The following COMMD1 variants were observed in gnomAD, a reference collection of about 807,000 sequenced individuals.
COMMD1 encodes the protein copper metabolism domain containing 1, also known as COMM domain-containing protein 1.
Under a neutral mutation model 17.2 loss-of-function variants are expected in COMMD1, and 10 were observed. The ratio of observed to expected loss-of-function variants is 0.58; its 90% CI spans 0.36 to 0.99. The LOEUF is 0.99. COMMD1 is among the 50% of genes least tolerant of loss of function. COMMD1 has a pLI of 0.01. For missense variants in COMMD1, 270 were observed against 231.8 expected (o/e 1.17, Z -1.07); for synonymous variants, 97 against 91.6 (o/e 1.06, Z -0.34).
At chr2:62,073,612 A>G (rs1671259507) in intron 2 of COMMD1, among the ~76,000 whole-genome samples, 2 of 152,138 alleles carry the variant, frequency 1.3e-5, no homozygotes, top group African/African-American at 4.8e-5. Context: ...CCAAACTGTA[A>G]CCTGACTGCC....
intron 1 of COMMD1, among the ~76,000 whole-genome samples, chr2:61,934,349 T>C (rs754461884): frequency 3.3e-5 from 5 of 152,156 alleles, no homozygotes; most frequent in Non-Finnish European, 5.9e-5. Context: ...GGAAAACTCA[T>C]TTAGAGCCTT....
intron 2 of COMMD1, among the ~76,000 whole-genome samples, chr2:62,045,674 T>C (rs1670362195): frequency 1.3e-5 from 2 of 151,158 alleles, no homozygotes; most frequent in Non-Finnish European, 2.9e-5. Context: ...AGTGCTGGCA[T>C]TGCAGGTGTG....
chr2:62,025,972 G>A (rs1446826358), intron 2 of COMMD1, among the ~76,000 whole-genome samples: 4 of 152,148 alleles, frequency 2.6e-5, no homozygotes, highest in Admixed American at 6.5e-5. Context: ...GGGATTACGG[G>A]TGTGAGCTAC....
At chr2:62,090,061 G>A (rs1006083781) in intron 2 of COMMD1, among the ~76,000 whole-genome samples, 4 of 152,080 alleles carry the variant, frequency 2.6e-5, no homozygotes, top group South Asian at 2.1e-4. Flanking sequence ...AGTTTAAGGG[G>A]TGAGATGGAG....
At chr2:62,104,893 A>T (rs1207312531) in intron 2 of COMMD1, among the ~76,000 whole-genome samples, 1 of 152,070 alleles carries the variant, frequency 6.6e-6, no homozygotes, top group East Asian at 1.9e-4. Flanking sequence ...TGGGAGGCCG[A>T]GGTGGGTGGA....
At chr2:61,937,439 CT>C (rs1670633603) in intron 1 of COMMD1, among the ~76,000 whole-genome samples, 1 of 152,228 alleles carries the variant, frequency 6.6e-6, no homozygotes, top group African/African-American at 2.4e-5. Context: ...TGGCCTGCCC[CT>C]GGTCCATCCT....
At chr2:61,963,213 A>G (rs981784303) in intron 1 of COMMD1, among the ~76,000 whole-genome samples, 6 of 147,156 alleles carry the variant, frequency 4.1e-5, no homozygotes, top group Admixed American at 1.3e-4. Context: ...ACACACACAC[A>G]CACACACATA....
At chr2:61,905,067 G>A (rs1669737133), upstream of COMMD1, among the ~76,000 whole-genome samples, 1 of 152,148 alleles carries the variant, frequency 6.6e-6, no homozygotes, top group African/African-American at 2.4e-5. Context: ...ATATGGGTGG[G>A]AAGTTATATT....
intron 1 of COMMD1, among the ~76,000 whole-genome samples, chr2:61,996,613 T>C (rs564072651): frequency 6.6e-6 from 1 of 152,296 alleles, no homozygotes; most frequent in Admixed American, 6.5e-5. Context: ...CAACTAAGTT[T>C]CTGTAATGTT....
chr2:61,915,649 CT>C (rs1406278665), intron 1 of COMMD1: 1 of 451,772 alleles, frequency 2.2e-6, no homozygotes, highest in Non-Finnish European at 4.5e-6. Context: ...ACCACCATGC[CT>C]GCCTAATTTT....
intron 1 of COMMD1, among the ~76,000 whole-genome samples, chr2:61,907,351 T>C (rs1321025609): frequency 2.6e-5 from 4 of 152,228 alleles, no homozygotes; most frequent in African/African-American, 4.8e-5. Flanking sequence ...GTTATCCGCC[T>C]GCCTCGGCCT....
intron 2 of COMMD1, among the ~76,000 whole-genome samples, chr2:62,127,852 CA>C (rs1672924818): frequency 6.6e-6 from 1 of 150,730 alleles, no homozygotes; most frequent in Non-Finnish European, 1.5e-5. Flanking sequence ...GGTGAAACCC[CA>C]TCACTACTAA....
chr2:61,998,539 C>T (rs1163948056), intron 1 of COMMD1, among the ~76,000 whole-genome samples: 2 of 152,112 alleles, frequency 1.3e-5, no homozygotes, highest in Admixed American at 6.5e-5. Flanking sequence ...GGATTACAGG[C>T]GTGAACCACT....
intron 2 of COMMD1, among the ~76,000 whole-genome samples, chr2:62,058,453 C>A (rs1670770433): frequency 6.6e-6 from 1 of 152,170 alleles, no homozygotes. Context: ...CTCCTGCACT[C>A]ACACAGTCCT....
intron 1 of COMMD1, among the ~76,000 whole-genome samples, chr2:61,889,438 C>A (rs551941629): frequency 1.3e-5 from 2 of 152,004 alleles, no homozygotes. Context: ...CTGACCTCCC[C>A]GGCTCAAAGC....
chr2:61,906,704 G>A (rs368215817), intron 1 of COMMD1, among the ~76,000 whole-genome samples: 3 of 151,840 alleles, frequency 2.0e-5, no homozygotes, highest in East Asian at 1.9e-4. Flanking sequence ...TATGTGTTAG[G>A]AACGTACTGA....
chr2:61,942,120 T>A (rs547391509), intron 1 of COMMD1, among the ~76,000 whole-genome samples: 14 of 152,354 alleles, frequency 9.2e-5, no homozygotes, highest in African/African-American at 3.1e-4. Context: ...GTTTATTTAT[T>A]TTTGAGACAG....
intron 1 of COMMD1, among the ~76,000 whole-genome samples, chr2:61,907,416 A>G (rs1385100160): frequency 6.6e-6 from 1 of 151,966 alleles, no homozygotes; most frequent in Non-Finnish European, 1.5e-5. Context: ...AATGCTTCCT[A>G]TTTCTATCAA....
intron 2 of COMMD1, among the ~76,000 whole-genome samples, chr2:62,075,854 C>A (rs1382525489): frequency 6.6e-6 from 1 of 152,190 alleles, no homozygotes; most frequent in Non-Finnish European, 1.5e-5. Flanking sequence ...TTTGTATGAA[C>A]CATATGTTGT....
Sources: allele counts gnomAD v4.1 joint callset (sites outside exome capture counted in the v4.1 genomes callset), GRCh38; gene constraint gnomAD v4.1.1; transcripts MANE v1.5; gene names NCBI Gene and HGNC (gene_info 2026-07-23, HGNC 2026-07-21).